The following ZNF69 variants were observed in gnomAD, a reference collection of about 807,000 sequenced individuals.
ZNF69 encodes ZNF3.
Under a neutral mutation model 50.9 loss-of-function variants are expected in ZNF69, and 47 were observed. The ratio of observed to expected loss-of-function variants is 0.92; its 90% CI spans 0.73 to 1.18. The LOEUF (loss-of-function observed/expected upper bound fraction) is 1.18, where lower values mean the gene tolerates loss of function less well. Among genes scored for constraint, ZNF69 ranks in the 50% most tolerant of loss-of-function variants. The pLI, the probability that ZNF69 is intolerant of heterozygous loss-of-function variation, is 0.00. For missense variants in ZNF69, 717 were observed against 675.1 expected (o/e 1.06, Z -0.69); for synonymous variants, 216 against 223.1 (o/e 0.97, Z 0.29).
the ZNF69 span, among the ~76,000 whole-genome samples, chr19:11,942,787 A>G: frequency 2.3e-3 from 345 of 152,330 alleles, 2 homozygotes; most frequent in African/African-American, 8.1e-3. Context: ...TTTAACTACC[A>G]GGCCTGGGGT....
At chr19:11,888,939 C>A (rs1297514057) in intron 1 of ZNF69, among the ~76,000 whole-genome samples, 8 of 130,172 alleles carry the variant, frequency 6.1e-5, no homozygotes, top group Admixed American at 2.2e-4. Flanking sequence ...CCACTGCACT[C>A]CAGCCTCAGC....
At chr19:11,960,144 C>T in the ZNF69 span, among the ~76,000 whole-genome samples, 2 of 151,056 alleles carry the variant, frequency 1.3e-5, no homozygotes, top group Admixed American at 6.6e-5. Flanking sequence ...AAATAATTCT[C>T]GTGCCTTAGC....
the ZNF69 span, among the ~76,000 whole-genome samples, chr19:11,958,618 A>C: frequency 6.6e-6 from 1 of 152,180 alleles, no homozygotes; most frequent in Non-Finnish European, 1.5e-5. Flanking sequence ...GTGTTAGTAG[A>C]AGTCCCAGAA....
At chr19:11,979,708 C>T in the ZNF69 span, 1 of 1,600,308 alleles carries the variant, frequency 6.2e-7, no homozygotes, top group Admixed American at 1.7e-5. Context: ...AAGAGAAGCC[C>T]TACGAGTGTA....
At chr19:11,974,069 T>TTTC in the ZNF69 span, among the ~76,000 whole-genome samples, 7 of 114,844 alleles carry the variant, frequency 6.1e-5, no homozygotes, top group East Asian at 2.6e-4. Context: ...TCCTTCTTTC[T>TTTC]TTTCTTTCTT....
At chr19:11,954,252 A>G in the ZNF69 span, among the ~76,000 whole-genome samples, 3 of 152,320 alleles carry the variant, frequency 2.0e-5, no homozygotes, top group Middle Eastern at 0.01. Context: ...TGGGTAAGTC[A>G]AGTTTAATAG....
chr19:11,975,365 C>T, the ZNF69 span, among the ~76,000 whole-genome samples: 2 of 151,864 alleles, frequency 1.3e-5, no homozygotes, highest in South Asian at 2.1e-4. Flanking sequence ...TGAGCCACTG[C>T]ACCCGGCCAA....
the ZNF69 span, chr19:11,977,495 A>G: frequency 1.3e-6 from 2 of 1,564,140 alleles, no homozygotes; most frequent in South Asian, 2.3e-5. Flanking sequence ...AATATGTTGA[A>G]GAGAAGTAAA....
At chr19:11,942,319 A>G in the ZNF69 span, among the ~76,000 whole-genome samples, 2 of 151,788 alleles carry the variant, frequency 1.3e-5, no homozygotes, top group Non-Finnish European at 2.9e-5. Context: ...GGCATTTTCA[A>G]GGAAACACAG....
At chr19:11,925,151 A>G in the ZNF69 span, 4 of 1,600,210 alleles carry the variant, frequency 2.5e-6, no homozygotes, top group Non-Finnish European at 3.4e-6. Context: ...AACCGGTCAG[A>G]CCAGCCCGAG....
At chr19:11,966,537 C>T in the ZNF69 span, among the ~76,000 whole-genome samples, 1 of 152,078 alleles carries the variant, frequency 6.6e-6, no homozygotes, top group African/African-American at 2.4e-5. Flanking sequence ...CCATGCCTGG[C>T]TAATTTTTGT....
At chr19:11,901,699 G>A (rs1972247409) in intron 1 of ZNF69, among the ~76,000 whole-genome samples, 2 of 151,778 alleles carry the variant, frequency 1.3e-5, no homozygotes, top group Non-Finnish European at 2.9e-5. Context: ...GGCCAGAGTG[G>A]TCTCAAACTG....
chr19:11,930,492 A>G, the ZNF69 span, among the ~76,000 whole-genome samples: 3 of 148,590 alleles, frequency 2.0e-5, no homozygotes, highest in Non-Finnish European at 4.4e-5. Flanking sequence ...TGTTAAATCT[A>G]TAATCAAAAT....
chr19:11,940,790 G>A, the ZNF69 span, among the ~76,000 whole-genome samples: 2 of 152,120 alleles, frequency 1.3e-5, no homozygotes, highest in Non-Finnish European at 2.9e-5. Flanking sequence ...GCTGATTGGT[G>A]CGTTTACAAT....
chr19:11,929,471 T>C, the ZNF69 span, among the ~76,000 whole-genome samples: 1 of 148,588 alleles, frequency 6.7e-6, no homozygotes, highest in East Asian at 1.9e-4. Context: ...CCTGACTCAT[T>C]TGTTCAAACA....
chr19:11,921,292 C>T, the ZNF69 span, among the ~76,000 whole-genome samples: 1 of 152,008 alleles, frequency 6.6e-6, no homozygotes, highest in Non-Finnish European at 1.5e-5. Context: ...GCCTCAGCCT[C>T]CCAAGTAGCT....
At chr19:11,901,712 G>A (rs960970118) in intron 1 of ZNF69, among the ~76,000 whole-genome samples, 4 of 151,684 alleles carry the variant, frequency 2.6e-5, no homozygotes, top group South Asian at 2.1e-4. Flanking sequence ...TCAAACTGCC[G>A]ACCTCAAGTG....
At chr19:11,951,569 T>A in the ZNF69 span, among the ~76,000 whole-genome samples, 1 of 152,084 alleles carries the variant, frequency 6.6e-6, no homozygotes, top group African/African-American at 2.4e-5. Context: ...CCAAAAGTTA[T>A]CTCATATACC....
chr19:11,946,368 G>A, the ZNF69 span, among the ~76,000 whole-genome samples: 2 of 152,106 alleles, frequency 1.3e-5, no homozygotes, highest in African/African-American at 2.4e-5. Flanking sequence ...AGGACGGGGG[G>A]CATTGCTGTG....
Sources: gnomAD v4.1 joint callset for allele counts (sites outside exome capture counted in the v4.1 genomes callset) on GRCh38, gnomAD v4.1.1 for gene constraint, MANE v1.5 for transcripts, NCBI Gene and HGNC (gene_info 2026-07-23, HGNC 2026-07-21) for gene names.